RANBP2: variants seen among roughly 807,000 people sequenced by gnomAD.
RANBP2 encodes RAN binding protein 2.
A neutral mutation model predicts 303.6 loss-of-function variants in RANBP2; 57 were observed. The ratio of observed to expected loss-of-function variants is 0.19; its 90% CI spans 0.15 to 0.23. The LOEUF (loss-of-function observed/expected upper bound fraction) is 0.23. Among genes scored for constraint, RANBP2 ranks in the 10% least tolerant of loss-of-function variants. The pLI is 1.00. For synonymous variants in RANBP2, 1,167 were observed against 1,301.5 expected, an observed-to-expected ratio of 0.90 and a Z score of 2.23; for missense variants, 3,138 against 3,780.8, an observed-to-expected ratio of 0.83 and a Z score of 4.46.
the RANBP2 span, among the ~76,000 whole-genome samples, chr2:109,655,327 G>A: frequency 2.6e-5 from 4 of 152,214 alleles, no homozygotes; most frequent in Non-Finnish European, 5.9e-5. Context: ...CAGTCGATAG[G>A]TGACTGGCCT....
Position 108,766,918 on chromosome 2 carries a change from A to G in RANBP2, c.6379A>G (p.Lys2127Glu). The G allele has an allele frequency of 6.2e-7, 1 of 1,610,282 alleles. No homozygotes were observed. Residue 2127 changes from lysine (K) to glutamate (E), a missense_variant, in exon 20 of 29, where the codon AAA becomes GAA. Lys to Glu is a moderately conservative substitution (Grantham distance 56). This residue lies in a region of RANBP2 where 103 missense variants were observed against 214.3 expected (regional missense o/e 0.48). Transcript: ENST00000283195. ...ACTAGAGCAGTTGGCAGCAAAATTT[A>G]AAACACCAGAGCTGGCTGAAGAATT... is the stretch of plus-strand genomic sequence containing the variant. The part of the protein sequence containing the change: ...AKLEQLAAKF[K>E]TPELAEEFKQ...
At chr2:109,301,126 G>C in the RANBP2 span, among the ~76,000 whole-genome samples, 9 of 152,174 alleles carry the variant, frequency 5.9e-5, no homozygotes, top group Non-Finnish European at 1.2e-4. Flanking sequence ...GGAATAGAAG[G>C]CCAGCTCACT....
At chr2:108,777,305 G>A in intron 25 of RANBP2, 74 bp downstream of exon 25, 1 of 982,798 alleles carries the variant, frequency 1.0e-6, no homozygotes, top group Non-Finnish European at 1.5e-6. Flanking sequence ...GTTTTTTGTT[G>A]CAGTATATAA....
the RANBP2 span, among the ~76,000 whole-genome samples, chr2:109,541,842 C>G: frequency 2.6e-5 from 4 of 152,324 alleles, no homozygotes; most frequent in South Asian, 2.1e-4. Context: ...GGTTGTCCAG[C>G]CTGCTCCGGC....
At chr2:108,794,770 G>A in the RANBP2 span, 21 of 1,397,000 alleles carry the variant, frequency 1.5e-5, no homozygotes, top group Middle Eastern at 7.7e-4. Flanking sequence ...TATGTTCTAA[G>A]AACCAAGCAT....
chr2:108,747,117 C>G (rs558402957), intron 8 of RANBP2, among the ~76,000 whole-genome samples: 93 of 152,266 alleles, frequency 6.1e-4, no homozygotes, highest in Non-Finnish European at 8.8e-4. Flanking sequence ...CCATTTAACA[C>G]CAGCTGATTC....
the RANBP2 span, among the ~76,000 whole-genome samples, chr2:108,817,385 C>G: frequency 6.6e-6 from 1 of 152,020 alleles, no homozygotes; most frequent in Non-Finnish European, 1.5e-5. Flanking sequence ...CTCCACCTCC[C>G]GGGTTCAAGT....
At chr2:108,944,177 G>A in the RANBP2 span, among the ~76,000 whole-genome samples, 375 of 152,296 alleles carry the variant, frequency 2.5e-3, no homozygotes, top group Non-Finnish European at 4.2e-3. Flanking sequence ...GCAGTGGCAC[G>A]ATCTCGGCTC....
At chr2:109,659,811 A>C in the RANBP2 span, among the ~76,000 whole-genome samples, 1 of 152,228 alleles carries the variant, frequency 6.6e-6, no homozygotes, top group Non-Finnish European at 1.5e-5. Context: ...ACAGCAGCAA[A>C]GCAAATCTCC....
chr2:109,099,250 G>A, the RANBP2 span, among the ~76,000 whole-genome samples: 4 of 152,152 alleles, frequency 2.6e-5, no homozygotes, highest in South Asian at 2.1e-4. Context: ...CTTAACACTC[G>A]ATGCAGTAAA....
the RANBP2 span, among the ~76,000 whole-genome samples, chr2:109,509,791 T>C: frequency 3.3e-5 from 5 of 152,062 alleles, no homozygotes; most frequent in African/African-American, 1.2e-4. Context: ...AGACACACGC[T>C]GAGGCACTGG....
chr2:108,918,799 T>C, the RANBP2 span, among the ~76,000 whole-genome samples: 2 of 152,176 alleles, frequency 1.3e-5, no homozygotes, highest in Admixed American at 1.3e-4. Flanking sequence ...ATCTCACCAG[T>C]ATGCATTAGA....
chr2:109,723,408 C>G, the RANBP2 span, among the ~76,000 whole-genome samples: 4 of 152,164 alleles, frequency 2.6e-5, no homozygotes, highest in African/African-American at 9.7e-5. Context: ...CTTTGGCCCC[C>G]CAAAGTGCTG....
chr2:108,867,483 A>G, the RANBP2 span, among the ~76,000 whole-genome samples: 2 of 152,226 alleles, frequency 1.3e-5, no homozygotes, highest in Non-Finnish European at 2.9e-5. Flanking sequence ...AGTTACGAAT[A>G]TGGATTACCC....
the RANBP2 span, among the ~76,000 whole-genome samples, chr2:109,285,765 C>T: frequency 6.6e-6 from 1 of 152,344 alleles, no homozygotes; most frequent in East Asian, 1.9e-4. Flanking sequence ...AACCTGGATC[C>T]AGACCTGGCA....
At chr2:109,663,803 T>A in the RANBP2 span, among the ~76,000 whole-genome samples, 1 of 152,198 alleles carries the variant, frequency 6.6e-6, no homozygotes, top group Non-Finnish European at 1.5e-5. Context: ...TGTTTGAGGC[T>A]AACAAGAATC....
chr2:109,501,691 C>T, the RANBP2 span: 31 of 743,628 alleles, frequency 4.2e-5, no homozygotes, highest in African/African-American at 3.6e-4. Flanking sequence ...CTCCCTGCAC[C>T]CAGCTCACAG....
chr2:109,526,373 T>A, the RANBP2 span, among the ~76,000 whole-genome samples: 1 of 152,174 alleles, frequency 6.6e-6, no homozygotes, highest in Non-Finnish European at 1.5e-5. Context: ...AGTGGTCTGA[T>A]CTCAGCTCGC....
chr2:108,834,213 A>C, the RANBP2 span, among the ~76,000 whole-genome samples: 4 of 148,134 alleles, frequency 2.7e-5, no homozygotes, highest in Admixed American at 2.0e-4. Context: ...TCATCTTTGA[A>C]ATTTTTTTTT....
Sources: gnomAD v4.1 joint callset for allele counts (sites outside exome capture counted in the v4.1 genomes callset) on GRCh38, gnomAD v4.1.1 for gene constraint, gnomAD v4.1.1 regional missense constraint, MANE v1.5 for transcripts, NCBI Gene and HGNC (gene_info 2026-07-23, HGNC 2026-07-21) for gene names.